Variants in DLGAP2 observed in about 807,000 individuals in gnomAD.
DLGAP2 encodes DLG associated protein 2.
A neutral mutation model predicts 100.3 loss-of-function variants in DLGAP2; 26 were observed. That is an observed-to-expected ratio of 0.26 (90% confidence interval 0.19 to 0.36). DLGAP2 has a LOEUF of 0.36. Ranked by LOEUF, DLGAP2 falls within the 10% of genes least tolerant of loss-of-function variation. The pLI is 1.00. For missense variants in DLGAP2, 1,858 were observed against 1,453.2 expected (o/e 1.28, Z -4.53); for synonymous variants, 886 against 630.1 (o/e 1.41, Z -6.08).
chr8:1,484,745 T>C (rs2130259154), intron 3 of DLGAP2, among the ~76,000 whole-genome samples: 1 of 152,360 alleles, frequency 6.6e-6, no homozygotes, highest in African/African-American at 2.4e-5. Context: ...CCAACCATAG[T>C]TGGGCATCAT....
At chr8:1,407,421 T>C (rs372839438) in intron 3 of DLGAP2, among the ~76,000 whole-genome samples, 1,724 of 52,920 alleles carry the variant, frequency 0.033, 30 homozygotes, top group East Asian at 0.21. Flanking sequence ...GCCACCTCCT[T>C]GTCCTCCAGA....
At chr8:1,386,259 A>C (rs866009466) in intron 3 of DLGAP2, among the ~76,000 whole-genome samples, 1 of 152,104 alleles carries the variant, frequency 6.6e-6, no homozygotes, top group Non-Finnish European at 1.5e-5. Context: ...AAAAATCACC[A>C]ATTCTAGAAA....
At chr8:1,566,436 C>G (rs144244750) in intron 6 of DLGAP2, among the ~76,000 whole-genome samples, 22 of 152,272 alleles carry the variant, frequency 1.4e-4, no homozygotes, top group African/African-American at 5.3e-4. Context: ...ACAGATAAAA[C>G]TCTTTGGGAA....
At chr8:1,167,032 A>G (rs193131051) in intron 2 of DLGAP2, among the ~76,000 whole-genome samples, 4 of 152,280 alleles carry the variant, frequency 2.6e-5, no homozygotes, top group Admixed American at 2.6e-4. Flanking sequence ...GCTAATCTGT[A>G]GGCTGAGGTG....
intron 3 of DLGAP2, among the ~76,000 whole-genome samples, chr8:1,347,924 G>A (rs1338873608): frequency 2.7e-5 from 4 of 147,346 alleles, no homozygotes; most frequent in Admixed American, 2.0e-4. Flanking sequence ...TGCACTCATG[G>A]TAGCTGTGTG....
chr8:1,073,003 C>T (rs1803482757), intron 2 of DLGAP2, among the ~76,000 whole-genome samples: 4 of 152,172 alleles, frequency 2.6e-5, no homozygotes, highest in Admixed American at 2.0e-4. Context: ...TTATCACTCC[C>T]CATTTGTACC....
intron 3 of DLGAP2, among the ~76,000 whole-genome samples, chr8:1,306,695 A>G (rs1800499631): frequency 6.6e-6 from 1 of 152,214 alleles, no homozygotes. Flanking sequence ...GCATAATCAC[A>G]GACATCTAGA....
intron 2 of DLGAP2, among the ~76,000 whole-genome samples, chr8:1,117,663 C>G (rs935764883): frequency 1.3e-5 from 2 of 152,060 alleles, no homozygotes; most frequent in Non-Finnish European, 2.9e-5. Flanking sequence ...TCATTCTTAC[C>G]CTGTGGTTGC....
intron 3 of DLGAP2, among the ~76,000 whole-genome samples, chr8:1,479,947 G>T (rs890276331): frequency 3.3e-5 from 5 of 152,196 alleles, no homozygotes; most frequent in Non-Finnish European, 7.3e-5. Context: ...GTGCTGGCGT[G>T]ACTTTTGTTT....
intron 6 of DLGAP2, among the ~76,000 whole-genome samples, chr8:1,596,146 G>T (rs1423949255): frequency 6.6e-6 from 1 of 151,660 alleles, no homozygotes; most frequent in Non-Finnish European, 1.5e-5. Context: ...TCCTGTGTTA[G>T]TTTGCTGAGA....
At chr8:1,674,470 C>T (rs1330815675) in intron 10 of DLGAP2, among the ~76,000 whole-genome samples, 3 of 152,220 alleles carry the variant, frequency 2.0e-5, no homozygotes, top group African/African-American at 4.8e-5. Context: ...CTGCAATGAA[C>T]ACCTCACACA....
chr8:1,696,777 G>A (rs1276595551), intron 13 of DLGAP2, among the ~76,000 whole-genome samples: 1 of 152,204 alleles, frequency 6.6e-6, no homozygotes, highest in Non-Finnish European at 1.5e-5. Flanking sequence ...GCCACCACCA[G>A]GCCAATACCA....
At chr8:1,246,065 A>G (rs890738181) in intron 2 of DLGAP2, among the ~76,000 whole-genome samples, 10 of 152,246 alleles carry the variant, frequency 6.6e-5, no homozygotes, top group Admixed American at 3.3e-4. Flanking sequence ...ATCAGTGTCT[A>G]TATTTTAATA....
intron 2 of DLGAP2, among the ~76,000 whole-genome samples, chr8:1,176,291 G>A (rs1313971492): frequency 6.6e-6 from 1 of 152,112 alleles, no homozygotes; most frequent in Admixed American, 6.5e-5. Flanking sequence ...GGGGAAAACC[G>A]TCCCTGTGAT....
intron 1 of DLGAP2, among the ~76,000 whole-genome samples, chr8:776,381 G>A (rs1821516095): frequency 6.6e-6 from 1 of 151,648 alleles, no homozygotes; most frequent in Non-Finnish European, 1.5e-5. Flanking sequence ...GTTATTTCTT[G>A]CCTTCTGCTA....
intron 3 of DLGAP2, among the ~76,000 whole-genome samples, chr8:1,356,462 C>T (rs1043233707): frequency 4.6e-5 from 7 of 152,174 alleles, no homozygotes; most frequent in South Asian, 2.1e-4. Context: ...CTGCAGTGGG[C>T]GTCTCCAGGG....
chr8:1,189,402 G>T (rs764052524), intron 2 of DLGAP2, among the ~76,000 whole-genome samples: 1 of 152,186 alleles, frequency 6.6e-6, no homozygotes, highest in Admixed American at 6.5e-5. Flanking sequence ...GAACCATCTG[G>T]AGTGCAGTTA....
At chr8:1,007,195 C>T (rs1034197038) in intron 2 of DLGAP2, among the ~76,000 whole-genome samples, 8 of 152,152 alleles carry the variant, frequency 5.3e-5, no homozygotes, top group African/African-American at 9.7e-5. Flanking sequence ...TTTATCATGT[C>T]GGGGACACCG....
At chr8:903,080 C>T (rs976483454) in intron 1 of DLGAP2, among the ~76,000 whole-genome samples, 1 of 151,478 alleles carries the variant, frequency 6.6e-6, no homozygotes, top group Non-Finnish European at 1.5e-5. Context: ...AGTGTTGTGG[C>T]GCAGCAGGCA....
Sources: gnomAD v4.1 joint callset for allele counts (sites outside exome capture counted in the v4.1 genomes callset) on GRCh38, gnomAD v4.1.1 for gene constraint, MANE v1.5 for transcripts, NCBI Gene and HGNC (gene_info 2026-07-23, HGNC 2026-07-21) for gene names.